The following AXDND1 variants were observed in gnomAD, a reference collection of about 807,000 sequenced individuals.
The protein encoded by AXDND1 is axonemal dynein light chain domain containing 1, also known as axonemal dynein light chain domain-containing protein 1.
AXDND1 carries 110 observed loss-of-function variants against 137.5 expected under a neutral mutation model. That is an observed-to-expected ratio of 0.80 (90% confidence interval 0.69 to 0.94). AXDND1 has a LOEUF of 0.94. Ranked by LOEUF, AXDND1 falls within the 40% of genes least tolerant of loss-of-function variation. AXDND1 has a pLI of 0.00. For synonymous variants in AXDND1, 414 were observed against 399.7 expected (o/e 1.04, Z -0.43); for missense variants, 1,191 against 1,169.8 (o/e 1.02, Z -0.26).
At chr1:179,386,837 A>G (rs1189525071) in intron 9 of AXDND1, among the ~76,000 whole-genome samples, 1 of 151,802 alleles carries the variant, frequency 6.6e-6, no homozygotes, top group African/African-American at 2.4e-5. Context: ...TGATCCGCCT[A>G]CCTCAGCCTC....
chr1:179,400,755 A>T (rs1406648235), intron 11 of AXDND1, among the ~76,000 whole-genome samples: 1 of 150,664 alleles, frequency 6.6e-6, no homozygotes, highest in Non-Finnish European at 1.5e-5. Flanking sequence ...TACAAAAAAA[A>T]TTAGCCGGGC....
chr1:179,471,467 T>A (rs1663926268), intron 17 of AXDND1, among the ~76,000 whole-genome samples: 1 of 152,232 alleles, frequency 6.6e-6, no homozygotes, highest in Non-Finnish European at 1.5e-5. Context: ...GACAATTTCA[T>A]CCAAGTTATC....
intron 15 of AXDND1, among the ~76,000 whole-genome samples, chr1:179,442,856 G>A (rs1426017562): frequency 3.9e-5 from 6 of 152,110 alleles, no homozygotes; most frequent in African/African-American, 1.2e-4. Flanking sequence ...AAAGTGGGGC[G>A]AACGTGGGAA....
At chr1:179,468,401 T>C in intron 16 of AXDND1, 42 bp from the exon 17 acceptor site, 1 of 1,394,912 alleles carries the variant, frequency 7.2e-7, no homozygotes, top group Non-Finnish European at 9.9e-7. Flanking sequence ...ATAGTAGTCT[T>C]ACAAATATTT....
chr1:179,377,975 C>A (rs192501417), intron 4 of AXDND1, among the ~76,000 whole-genome samples: 2 of 152,028 alleles, frequency 1.3e-5, no homozygotes, highest in East Asian at 3.9e-4. Context: ...TTGAGACCAG[C>A]GTGGCCAACG....
intron 23 of AXDND1, among the ~76,000 whole-genome samples, chr1:179,531,889 T>C (rs1351665511): frequency 1.3e-5 from 2 of 152,156 alleles, no homozygotes; most frequent in African/African-American, 4.8e-5. Flanking sequence ...ATGCAATTGA[T>C]TACAAGAGCC....
At position 179,468,584 on chromosome 1, in the gene AXDND1, A is replaced by T; in HGVS notation, c.1940A>T (p.Asp647Val). The stretch of plus-strand genomic sequence containing the variant: ...ATTAATGAAATGAAATCACACTTGG[A>T]TATATTGTTAAACCTTACTGGTATT... Reference protein sequence around the residue: ...EKINEMKSHLDILLNLTGIVP... With the variant: ...EKINEMKSHLVILLNLTGIVP... Residue 647 changes from aspartate (D) to valine (V), a missense_variant, in exon 17 of 26, where the codon GAT becomes GTT. Transcript: ENST00000367618. 1 of 1,612,850 alleles carries T rather than the reference A, an allele frequency of 6.2e-7. No homozygotes were observed. Among genetic ancestry groups the T allele is most frequent in the Non-Finnish European group, 8.5e-7 (1 of 1,179,672 alleles).
chr1:179,400,922 A>AAAAG (rs1651918757), intron 11 of AXDND1, among the ~76,000 whole-genome samples: 1 of 142,080 alleles, frequency 7.0e-6, no homozygotes, highest in Admixed American at 7.0e-5. Context: ...AAAAAAAAAA[A>AAAAG]AAAAAGAAAA....
intron 25 of AXDND1, among the ~76,000 whole-genome samples, chr1:179,549,267 TTGAC>T (rs1672959572): frequency 6.6e-6 from 1 of 152,202 alleles, no homozygotes; most frequent in South Asian, 2.1e-4. Context: ...AATTTTACCT[TTGAC>T]TATCCACTAT....
intron 17 of AXDND1, among the ~76,000 whole-genome samples, chr1:179,480,401 C>G (rs1352640814): frequency 1.3e-5 from 2 of 152,130 alleles, no homozygotes; most frequent in Admixed American, 6.5e-5. Flanking sequence ...TTATTCACTA[C>G]CACGAGAACA....
At chr1:179,397,952 T>C (rs1371387295) in intron 11 of AXDND1, among the ~76,000 whole-genome samples, 1 of 152,222 alleles carries the variant, frequency 6.6e-6, no homozygotes, top group Non-Finnish European at 1.5e-5. Context: ...ATCTTAATGA[T>C]CTTCATTCCT....
chr1:179,491,532 T>A lies in AXDND1; in HGVS notation c.2092-6T>A. The A allele has an allele frequency of 6.4e-7, 1 of 1,571,156 alleles. No individual in the cohort carries two copies. ...GGTCATTTGTATTATACTCATTTTT[T>A]AACAGATGGATGAGTTACATATATC... On this transcript the variant is annotated splice_polypyrimidine_tract_variant and splice_region_variant and intron_variant, in intron 18 of 25. Coordinates refer to ENST00000367618, the MANE Select transcript of AXDND1 (RefSeq NM_144696.6).
chr1:179,424,545 A>C (rs1331431743), intron 12 of AXDND1, among the ~76,000 whole-genome samples: 1 of 149,982 alleles, frequency 6.7e-6, no homozygotes, highest in Non-Finnish European at 1.5e-5. Flanking sequence ...CTCCTGCCTC[A>C]GTCTCCTGAG....
chr1:179,472,988 TC>T (rs1488593012), intron 17 of AXDND1, among the ~76,000 whole-genome samples: 1 of 152,238 alleles, frequency 6.6e-6, no homozygotes, highest in Non-Finnish European at 1.5e-5. Flanking sequence ...GATTGTTAAA[TC>T]CATTTACCTT....
intron 4 of AXDND1, 51 bp from the exon 5 acceptor site, chr1:179,378,586 G>GCT: frequency 2.2e-6 from 3 of 1,392,322 alleles, no homozygotes; most frequent in Non-Finnish European, 2.9e-6. Context: ...GCTGTTATGT[G>GCT]GTATCCAGAT....
At chr1:179,366,317 A>T (rs1667390901) in intron 1 of AXDND1, 87 bp from the exon 2 acceptor site, 1 of 492,244 alleles carries the variant, frequency 2.0e-6, no homozygotes, top group African/African-American at 2.0e-5. Flanking sequence ...ACCATGCTAG[A>T]TGAATTCTAA....
chr1:179,434,734 A>G (rs1571822586), intron 15 of AXDND1, among the ~76,000 whole-genome samples: 5 of 152,360 alleles, frequency 3.3e-5, no homozygotes, highest in Admixed American at 1.3e-4. Flanking sequence ...TGTCAAACCC[A>G]CAGCCAATAT....
chr1:179,419,240 C>T lies in AXDND1; in HGVS notation c.1230+7974C>T, dbSNP rs535296912. Among the ~76,000 whole-genome samples the T allele has an allele frequency of 4.0e-3, 610 of 152,066 alleles. 6 individuals carry two copies. The highest frequency in any genetic ancestry group is 0.013 in the African/African-American group (557 of 41,528). On this transcript the variant is annotated intron_variant, in intron 12 of 25. Transcript: ENST00000367618. The stretch of plus-strand genomic sequence containing the variant: ...GGCAGCCGGGCAGAGGCTGCAATCT[C>T]GGCTCTTTGGGAGGCCAAGGCAGGC...
At chr1:179,407,043 C>T (rs4642851) in intron 11 of AXDND1, among the ~76,000 whole-genome samples, 116,577 of 151,852 alleles carry the variant, frequency 0.77, 45,043 homozygotes, top group South Asian at 0.83. Flanking sequence ...ATTTTTTACA[C>T]TGATGTGTTT....
Sources: gnomAD v4.1 joint callset for allele counts (sites outside exome capture counted in the v4.1 genomes callset) on GRCh38, gnomAD v4.1.1 for gene constraint, MANE v1.5 for transcripts, NCBI Gene and HGNC (gene_info 2026-07-23, HGNC 2026-07-21) for gene names.